PPARGC1A: variants seen among roughly 807,000 people sequenced by gnomAD.
PPARGC1A encodes the protein peroxisome proliferator-activated receptor gamma coactivator 1-alpha.
PPARGC1A carries 25 observed loss-of-function variants against 88.7 expected under a neutral mutation model. The observed-to-expected ratio is 0.28, with a 90% CI of 0.21 to 0.39. PPARGC1A has a LOEUF of 0.39. Among genes scored for constraint, PPARGC1A ranks in the 10% least tolerant of loss-of-function variants. PPARGC1A has a pLI of 1.00. For synonymous variants in PPARGC1A, 363 were observed against 355.6 expected, an observed-to-expected ratio of 1.02 and a Z score of -0.24; for missense variants, 880 against 968.7, an observed-to-expected ratio of 0.91 and a Z score of 1.22.
the PPARGC1A span, among the ~76,000 whole-genome samples, chr4:24,447,952 G>T: frequency 9.2e-5 from 14 of 152,228 alleles, no homozygotes; most frequent in Admixed American, 4.6e-4. Context: ...ATTAAAACAC[G>T]CATTTTTAAA....
the PPARGC1A span, among the ~76,000 whole-genome samples, chr4:24,377,012 C>A: frequency 7.2e-5 from 11 of 152,070 alleles, no homozygotes; most frequent in Admixed American, 3.9e-4. Context: ...CTGGAGGGCA[C>A]CAGTTACTGA....
the PPARGC1A span, among the ~76,000 whole-genome samples, chr4:24,206,647 C>A: frequency 6.6e-6 from 1 of 151,888 alleles, no homozygotes; most frequent in Non-Finnish European, 1.5e-5. Flanking sequence ...GCCTGGCCAA[C>A]ATGGTGAAAC....
chr4:24,293,124 T>C, the PPARGC1A span, among the ~76,000 whole-genome samples: 1 of 952 alleles, frequency 1.1e-3, no homozygotes. Context: ...TGCCTGTGCT[T>C]CTCCCTACCC....
the PPARGC1A span, among the ~76,000 whole-genome samples, chr4:24,390,022 GTAAAACTTGAGTAATCAT>G: frequency 6.6e-6 from 1 of 152,090 alleles, no homozygotes; most frequent in Non-Finnish European, 1.5e-5. Flanking sequence ...TAATGGTATA[GTAAAACTTGAGTAATCAT>G]TAATCAAGGC....
At chr4:24,250,134 T>G in the PPARGC1A span, among the ~76,000 whole-genome samples, 1 of 152,136 alleles carries the variant, frequency 6.6e-6, no homozygotes, top group Non-Finnish European at 1.5e-5. Flanking sequence ...GGACCAGGTG[T>G]AACATGGGCA....
chr4:24,449,333 T>C, the PPARGC1A span, among the ~76,000 whole-genome samples: 3 of 152,228 alleles, frequency 2.0e-5, no homozygotes, highest in African/African-American at 7.2e-5. Flanking sequence ...CTCAGTGTAA[T>C]TGGTCTGTTC....
chr4:24,214,061 A>G, the PPARGC1A span, among the ~76,000 whole-genome samples: 1 of 152,192 alleles, frequency 6.6e-6, no homozygotes, highest in Non-Finnish European at 1.5e-5. Context: ...ATCAGAATGG[A>G]ATGTGAGGCA....
chr4:23,928,777 A>C, the PPARGC1A span, among the ~76,000 whole-genome samples: 26 of 147,156 alleles, frequency 1.8e-4, no homozygotes, highest in Admixed American at 6.1e-4. Flanking sequence ...AAACAAAAAA[A>C]AACAACAAAA....
chr4:24,039,085 T>C, the PPARGC1A span, among the ~76,000 whole-genome samples: 1 of 152,170 alleles, frequency 6.6e-6, no homozygotes, highest in Non-Finnish European at 1.5e-5. Context: ...TCCAAATATA[T>C]GGACAAAATA....
chr4:23,826,705 A>G (rs1377181631), intron 5 of PPARGC1A, among the ~76,000 whole-genome samples: 2 of 152,164 alleles, frequency 1.3e-5, no homozygotes, highest in Admixed American at 6.5e-5. Flanking sequence ...TTTCATAACT[A>G]AAGAATTTTG....
the PPARGC1A span, among the ~76,000 whole-genome samples, chr4:24,251,171 AGC>A: frequency 2.0e-5 from 3 of 152,246 alleles, no homozygotes. Flanking sequence ...TTATTAAAAT[AGC>A]CTAGCATAGT....
intron 10 of PPARGC1A, among the ~76,000 whole-genome samples, chr4:23,805,196 G>C (rs1719569227): frequency 1.3e-5 from 2 of 151,428 alleles, no homozygotes; most frequent in African/African-American, 4.9e-5. Context: ...CCAATACAAA[G>C]GAGAAGGGAA....
At chr4:24,434,705 T>A in the PPARGC1A span, among the ~76,000 whole-genome samples, 25 of 152,324 alleles carry the variant, frequency 1.6e-4, no homozygotes, top group Non-Finnish European at 2.9e-4. Flanking sequence ...AACATCAGAT[T>A]GTTCATAAAC....
chr4:24,414,013 C>T, the PPARGC1A span, among the ~76,000 whole-genome samples: 1 of 152,108 alleles, frequency 6.6e-6, no homozygotes, highest in East Asian at 1.9e-4. Flanking sequence ...AGACTCGAAC[C>T]CACGGTTGTC....
At chr4:23,865,940 C>T (rs984986015) in intron 2 of PPARGC1A, among the ~76,000 whole-genome samples, 1 of 149,998 alleles carries the variant, frequency 6.7e-6, no homozygotes, top group Non-Finnish European at 1.5e-5. Context: ...TGAGACAGCC[C>T]ACATTTATTC....
the PPARGC1A span, among the ~76,000 whole-genome samples, chr4:24,402,925 A>G: frequency 3.3e-5 from 5 of 152,238 alleles, no homozygotes; most frequent in Admixed American, 1.3e-4. Context: ...ACAGCCTAGT[A>G]TGATGCCTGG....
chr4:23,950,093 C>T, the PPARGC1A span, among the ~76,000 whole-genome samples: 1 of 152,126 alleles, frequency 6.6e-6, no homozygotes, highest in East Asian at 1.9e-4. Flanking sequence ...AATCTCAAAA[C>T]ACTTCATCGG....
the PPARGC1A span, among the ~76,000 whole-genome samples, chr4:23,989,831 A>G: frequency 1.3e-5 from 2 of 151,646 alleles, no homozygotes; most frequent in Admixed American, 1.3e-4. Context: ...ATTTAAAATG[A>G]TTTAAAAGAA....
chr4:24,111,733 T>C, the PPARGC1A span, among the ~76,000 whole-genome samples: 14 of 152,070 alleles, frequency 9.2e-5, no homozygotes, highest in African/African-American at 3.4e-4. Context: ...AGGAGGTGGG[T>C]TAACTCTTTC....
Sources: gnomAD v4.1 joint callset for allele counts (sites outside exome capture counted in the v4.1 genomes callset) on GRCh38, gnomAD v4.1.1 for gene constraint, MANE v1.5 for transcripts, NCBI Gene and HGNC (gene_info 2026-07-23, HGNC 2026-07-21) for gene names.